Variants in TTF1 observed in about 807,000 individuals in gnomAD.
TTF1 encodes the protein transcription termination factor, RNA polymerase I.
Under a neutral mutation model 80.2 loss-of-function variants are expected in TTF1, and 64 were observed. The ratio of observed to expected loss-of-function variants is 0.80; its 90% CI spans 0.65 to 0.98. The LOEUF (loss-of-function observed/expected upper bound fraction) is 0.98, where lower values mean the gene tolerates loss of function less well. TTF1 is among the 50% of genes least tolerant of loss of function. The probability of loss-of-function intolerance (pLI) is 0.00; values close to 1 mark genes in which losing one functional copy is unlikely to be tolerated. For missense variants in TTF1, 1,023 were observed against 1,086.2 expected, an observed-to-expected ratio of 0.94 and a Z score of 0.82; for synonymous variants, 372 against 382.7, an observed-to-expected ratio of 0.97 and a Z score of 0.33.
chr9:132,380,545 C>T (rs1356912243), intron 9 of TTF1, among the ~76,000 whole-genome samples: 1 of 152,222 alleles, frequency 6.6e-6, no homozygotes, highest in Non-Finnish European at 1.5e-5. Context: ...CAGCCTGTGC[C>T]TTTTCCCTTC....
intron 5 of TTF1, among the ~76,000 whole-genome samples, chr9:132,392,730 CG>C (rs1266804278): frequency 6.6e-6 from 1 of 152,132 alleles, no homozygotes; most frequent in Non-Finnish European, 1.5e-5. Flanking sequence ...GAGCCTCTTA[CG>C]GAGTTTAAGT....
chr9:132,402,253 G>A lies in TTF1; in HGVS notation c.569C>T (p.Ser190Leu). ...SQRARDTLPQSESHQEESWLS... is the reference protein window; with the variant it reads ...SQRARDTLPQLESHQEESWLS... ...CCAGGACTCCTCCTGGTGGGATTCT[G>A]ACTGAGGCAGGGTGTCCCTTGCCCG... Residue 190 changes from serine (S) to leucine (L), a missense_variant, in exon 2 of 11, where the codon TCA (serine) becomes TTA (leucine). Ser to Leu is a moderately radical substitution (Grantham distance 145). Coordinates refer to ENST00000334270, the MANE Select transcript of TTF1 (RefSeq NM_007344.4). 1 of 1,614,094 alleles carries A rather than the reference G, an allele frequency of 6.2e-7. No individual in the cohort carries two copies. Among genetic ancestry groups the A allele is most frequent in the East Asian group, 2.2e-5 (1 of 44,882 alleles).
intron 10 of TTF1, among the ~76,000 whole-genome samples, chr9:132,377,883 G>A (rs1713412844): frequency 7.8e-6 from 1 of 128,976 alleles, no homozygotes; most frequent in South Asian, 2.5e-4. Context: ...CATGTGGTGT[G>A]TGTGAGTGCA....
intron 5 of TTF1, among the ~76,000 whole-genome samples, chr9:132,394,302 C>T (rs1451385587): frequency 7.3e-5 from 11 of 151,088 alleles, no homozygotes; most frequent in Non-Finnish European, 1.0e-4. Context: ...TTTTTTGAGG[C>T]GGAGTCTTGC....
Position 132,390,596 on chromosome 9 carries a change from C to A in TTF1, c.2222+1G>T. 1.2e-6 allele frequency: 2 copies of A among 1,613,362 alleles called. No homozygotes were observed. The highest frequency in any genetic ancestry group is 1.7e-6 in the Non-Finnish European group (2 of 1,179,306). On this transcript the variant is annotated splice_donor_variant, in intron 7 of 10. Transcript: ENST00000334270. LOFTEE classifies it high-confidence loss of function. ...AGAGAAAGAGAGAGGGAAGAACTTA[C>A]CACTTACTTTTACACTGCATCCAAT... is the stretch of plus-strand genomic sequence containing the variant.
intron 7 of TTF1, among the ~76,000 whole-genome samples, chr9:132,389,474 C>T (rs1346936199): frequency 6.6e-6 from 1 of 152,094 alleles, no homozygotes; most frequent in Non-Finnish European, 1.5e-5. Flanking sequence ...AGCCACCGTG[C>T]CCGGCCCTCA....
chr9:132,386,714 G>A, intron 8 of TTF1, 93 bp from the exon 9 acceptor site: 1 of 1,040,484 alleles, frequency 9.6e-7, no homozygotes, highest in Non-Finnish European at 1.4e-6. Context: ...TGGAAGGTAT[G>A]TGCGCTTTCG....
At position 132,398,213 on chromosome 9, in the gene TTF1, T is replaced by C. The variant is rs780439400; in HGVS notation, c.1705A>G (p.Thr569Ala). The change falls in exon 4 of 11, where the codon ACG becomes GCG. Residue 569 changes from threonine (T) to alanine (A), a missense_variant. Coordinates refer to ENST00000334270, the MANE Select transcript of TTF1 (RefSeq NM_007344.4). ...GIESADKLLY[T>A]DRYPEEKSVI... ...GATTTTTCCTCAGGATATCTGTCCG[T>C]GTACAGCAGCTTGTCTGCACTCTCA... 1 of 1,603,288 alleles carries C rather than the reference T, an allele frequency of 6.2e-7. No individual in the cohort carries two copies. The highest frequency in any genetic ancestry group is 1.1e-5 in the South Asian group (1 of 89,166).
chr9:132,405,306 G>A (rs1849846119), intron 1 of TTF1, among the ~76,000 whole-genome samples: 1 of 152,184 alleles, frequency 6.6e-6, no homozygotes, highest in Non-Finnish European at 1.5e-5. Context: ...CCGGGTTCAA[G>A]CGATTCTCCT....
At position 132,376,161 on chromosome 9, in the gene TTF1, G is replaced by A. The variant is rs1362575640; in HGVS notation, c.2472C>T (p.Ile824=). The A allele has an allele frequency of 6.8e-6, 11 of 1,611,782 alleles. No homozygotes were observed. The highest frequency in any genetic ancestry group is 2.2e-5 in the South Asian group (2 of 90,962). Residue 824 remains isoleucine, a synonymous_variant, in exon 11 of 11, where the codon ATC becomes ATT. Transcript: ENST00000334270. ...GTAGAGTCGTCTCATAAAGGTAGTC[G>A]ATGATCTCTACAGAAAAGAAATTTA... ...FWQKKTFPEI[I]DYLYETTLPL...
intron 3 of TTF1, among the ~76,000 whole-genome samples, chr9:132,398,909 T>C (rs1049641935): frequency 6.6e-6 from 1 of 152,024 alleles, no homozygotes; most frequent in African/African-American, 2.4e-5. Context: ...TTTAAAAATA[T>C]CTTATGGGCA....
chr9:132,386,635 T>C lies in TTF1; in HGVS notation c.2313-14A>G. The C allele has an allele frequency of 1.2e-6, 2 of 1,600,482 alleles. No individual in the cohort carries two copies. The highest frequency in any genetic ancestry group is 1.7e-6 in the Non-Finnish European group (2 of 1,169,278). On this transcript the variant is annotated splice_polypyrimidine_tract_variant and intron_variant, in intron 8 of 10. Transcript: ENST00000334270. ...ATTTCATACAACCTGTGAGAAAAAATAAAAATTAAATTTTCAAGCAAAAAT... is the reference window on the plus strand; with the variant it reads ...ATTTCATACAACCTGTGAGAAAAAACAAAAATTAAATTTTCAAGCAAAAAT...
chr9:132,405,409 T>G (rs554613524), intron 1 of TTF1, among the ~76,000 whole-genome samples: 2 of 152,226 alleles, frequency 1.3e-5, no homozygotes, highest in African/African-American at 4.8e-5. Context: ...GGTTTCGCCA[T>G]GTTGGCCAGG....
intron 9 of TTF1, among the ~76,000 whole-genome samples, chr9:132,380,315 G>C (rs1247691164): frequency 6.6e-6 from 1 of 152,120 alleles, no homozygotes; most frequent in Non-Finnish European, 1.5e-5. Flanking sequence ...CTGACTTCAG[G>C]TGACCCACCT....
chr9:132,386,147 C>T (rs967840625), intron 9 of TTF1, among the ~76,000 whole-genome samples: 11 of 152,104 alleles, frequency 7.2e-5, no homozygotes, highest in East Asian at 1.9e-4. Context: ...CTTCCTTACA[C>T]GATTATTTTT....
chr9:132,402,062 G>T lies in TTF1; in HGVS notation c.760C>A (p.Gln254Lys), dbSNP rs759830456. The change falls in exon 2 of 11, where the codon CAG (glutamine) becomes AAG (lysine). Residue 254 changes from glutamine to lysine, a missense_variant. By Grantham distance (53) the Gln-to-Lys change is moderately conservative. Coordinates refer to ENST00000334270, the MANE Select transcript of TTF1 (RefSeq NM_007344.4). ...TCATCATCCAAGCCCACAGTAGGCT[G>T]GGATTCCTGCATATCAGTCCCGGCC... is the stretch of plus-strand genomic sequence containing the variant. ...REAGTDMQESQPTVGLDDETP... is the reference protein window; with the variant it reads ...REAGTDMQESKPTVGLDDETP... The T allele has an allele frequency of 1.2e-6, 2 of 1,613,980 alleles. No individual in the cohort carries two copies. Among genetic ancestry groups the T allele is most frequent in the Non-Finnish European group, 1.7e-6 (2 of 1,180,040 alleles).
chr9:132,390,557 G>A lies in TTF1; in HGVS notation c.2222+40C>T, dbSNP rs552102627. 1.2e-4 allele frequency: 191 copies of A among 1,584,580 alleles called. 2 individuals are homozygous for A. The Admixed American group carries it at 3.1e-3, about 26-fold the overall frequency. On this transcript the variant is annotated intron_variant, in intron 7 of 10. Transcript: ENST00000334270. ...TTCTTGGTAACCTCACCTCTCCACA[G>A]AAGCTGGAGAGACAGAGAAAGAGAG...
At chr9:132,376,689 G>A (rs1026160939) in intron 10 of TTF1, among the ~76,000 whole-genome samples, 1 of 149,184 alleles carries the variant, frequency 6.7e-6, no homozygotes, top group Non-Finnish European at 1.5e-5. Context: ...TTGAGATAGG[G>A]TCTCGCTCTG....
chr9:132,392,005 C>T (rs952979814), intron 6 of TTF1, 71 bp downstream of exon 6: 198 of 1,595,126 alleles, frequency 1.2e-4, no homozygotes, highest in Non-Finnish European at 1.5e-4. Context: ...GGCATTGGAT[C>T]GGTTATGGCT....
Sources: gnomAD v4.1 joint callset for allele counts (sites outside exome capture counted in the v4.1 genomes callset) on GRCh38, gnomAD v4.1.1 for gene constraint, MANE v1.5 for transcripts, NCBI Gene and HGNC (gene_info 2026-07-23, HGNC 2026-07-21) for gene names.